ACSM3: variants seen among roughly 807,000 people sequenced by gnomAD.
ACSM3 encodes the protein acyl-coenzyme A synthetase ACSM3, mitochondrial.
In ACSM3, 61 loss-of-function variants were observed where a neutral mutation model predicts 74.1. The ratio of observed to expected loss-of-function variants is 0.82; its 90% confidence interval spans 0.67 to 1.02. The LOEUF (loss-of-function observed/expected upper bound fraction) is 1.02, where lower values mean the gene tolerates loss of function less well. Among genes scored for constraint, ACSM3 ranks in the 50% least tolerant of loss-of-function variants. The pLI, the probability that ACSM3 is intolerant of heterozygous loss-of-function variation, is 0.00. For synonymous variants in ACSM3, 213 were observed against 241.5 expected, an observed-to-expected ratio of 0.88 and a Z score of 1.09; for missense variants, 660 against 697.0, an observed-to-expected ratio of 0.95 and a Z score of 0.60.
chr16:20,742,706 T>C (rs1434584715), intron 1 of ACSM3, among the ~76,000 whole-genome samples: 1 of 150,338 alleles, frequency 6.7e-6, no homozygotes, highest in Non-Finnish European at 1.5e-5. Flanking sequence ...CCCCTCCTCC[T>C]CTGTGCACGG....
upstream of ACSM3, among the ~76,000 whole-genome samples, chr16:20,759,742 A>G (rs1179399382): frequency 6.6e-6 from 1 of 152,134 alleles, no homozygotes; most frequent in Non-Finnish European, 1.5e-5. Context: ...ATCCTTTATA[A>G]TAAATGGGTT....
chr16:20,683,490 C>T lies in ACSM3; in HGVS notation c.-190+8668C>T, dbSNP rs77289599. Among the ~76,000 whole-genome samples, 308 of 152,126 alleles carry T rather than the reference C, an allele frequency of 2.0e-3. 3 individuals are homozygous for T. The highest frequency in any genetic ancestry group is 6.6e-3 in the African/African-American group (273 of 41,492). The stretch of plus-strand genomic sequence containing the variant: ...CTCTCCAGGAAAACACCACACTTCT[C>T]GTCCTGACTTTGAAGATGCTGCTTT... On this transcript the variant is annotated intron_variant, in intron 1 of 3. Coordinates refer to the ACSM3 transcript ENST00000561584.
rs1385480578 is a variant in ACSM3 at position 20,733,227 on chromosome 16, G to A, written c.-189-16683G>A. 3.3e-5 allele frequency among the ~76,000 whole-genome samples: 5 copies of A among 152,188 alleles called. No individual in the cohort carries two copies. In the East Asian group the frequency reaches 9.6e-4, roughly 29 times the overall value. On this transcript the variant is annotated intron_variant, in intron 1 of 3. Transcript: ENST00000561584. ...GTTTCTAGTGTTTAAAATTGCAGGA[G>A]TCAAATGATTACTTAGAAAAAGAAA...
chr16:20,707,425 A>G (rs1347906091), intron 1 of ACSM3, among the ~76,000 whole-genome samples: 2 of 152,198 alleles, frequency 1.3e-5, no homozygotes, highest in Non-Finnish European at 2.9e-5. Context: ...GTCCAGCAAG[A>G]GCCCTCCTGG....
chr16:20,704,622 G>A (rs1440960938), intron 1 of ACSM3, among the ~76,000 whole-genome samples: 3 of 152,102 alleles, frequency 2.0e-5, no homozygotes, highest in Non-Finnish European at 4.4e-5. Flanking sequence ...CTCCTACATT[G>A]TCCTGAGAAC....
At chr16:20,727,311 C>A (rs2079809967) in intron 1 of ACSM3, 1 of 568,642 alleles carries the variant, frequency 1.8e-6, no homozygotes, top group South Asian at 1.4e-5. Flanking sequence ...AGGTTCCTCT[C>A]AAAAAGGCCC....
intron 1 of ACSM3, chr16:20,737,305 A>C: frequency 6.3e-7 from 1 of 1,590,610 alleles, no homozygotes; most frequent in Non-Finnish European, 8.6e-7. Context: ...AAAACAGAAA[A>C]ACACATAGCT....
At chr16:20,717,685 C>T (rs895360781) in intron 1 of ACSM3, among the ~76,000 whole-genome samples, 4 of 151,700 alleles carry the variant, frequency 2.6e-5, no homozygotes, top group African/African-American at 4.8e-5. Context: ...TTTAAAAACT[C>T]GTAGATTTTT....
At chr16:20,696,650 A>G (rs2079691526) in intron 1 of ACSM3, among the ~76,000 whole-genome samples, 1 of 152,230 alleles carries the variant, frequency 6.6e-6, no homozygotes, top group South Asian at 2.1e-4. Context: ...ATTTTAAAGA[A>G]CAATTTTCTG....
intron 2 of ACSM3, 60 bp downstream of exon 2, chr16:20,770,313 G>A (rs2080177129): frequency 1.4e-6 from 2 of 1,406,780 alleles, no homozygotes; most frequent in Admixed American, 3.5e-5. Flanking sequence ...TTACCCCTAG[G>A]TAACATCTCT....
chr16:20,773,376 ATTTC>A (rs2152458172), intron 2 of ACSM3, among the ~76,000 whole-genome samples: 1 of 151,192 alleles, frequency 6.6e-6, no homozygotes, highest in South Asian at 2.1e-4. Context: ...GATCTTTATT[ATTTC>A]TTTCTTTCTA....
At chr16:20,724,558 G>C (rs2079797965) in intron 1 of ACSM3, among the ~76,000 whole-genome samples, 1 of 152,120 alleles carries the variant, frequency 6.6e-6, no homozygotes, top group Non-Finnish European at 1.5e-5. Flanking sequence ...GGAAATAAAG[G>C]GCATTCAATT....
intron 1 of ACSM3, among the ~76,000 whole-genome samples, chr16:20,718,001 AG>A (rs2079770807): frequency 1.3e-5 from 2 of 150,480 alleles, no homozygotes; most frequent in Non-Finnish European, 3.0e-5. Context: ...AAGAAGAAGA[AG>A]AAGAAGAAGA....
At chr16:20,738,869 C>G in intron 1 of ACSM3, 1 of 1,609,512 alleles carries the variant, frequency 6.2e-7, no homozygotes, top group Non-Finnish European at 8.5e-7. Flanking sequence ...GTTATGAGAT[C>G]GATAATCTTA....
chr16:20,728,521 A>G, intron 1 of ACSM3: 1 of 838,444 alleles, frequency 1.2e-6, no homozygotes, highest in Non-Finnish European at 1.8e-6. Flanking sequence ...GTCATGTCTT[A>G]ATACAGACTT....
At chr16:20,725,547 C>T (rs539709113) in intron 1 of ACSM3, 1 of 159,688 alleles carries the variant, frequency 6.3e-6, no homozygotes, top group African/African-American at 2.4e-5. Context: ...TGAGTCTTAC[C>T]ACTACTGACA....
intron 1 of ACSM3, among the ~76,000 whole-genome samples, chr16:20,769,190 C>T (rs566288095): frequency 1.1e-4 from 16 of 152,102 alleles, no homozygotes; most frequent in Non-Finnish European, 1.9e-4. Flanking sequence ...TGGAAAATTA[C>T]AGGAAGTATA....
intron 1 of ACSM3, chr16:20,736,671 A>G (rs1310558438): frequency 3.6e-6 from 2 of 552,108 alleles, no homozygotes; most frequent in Non-Finnish European, 6.3e-6. Context: ...ACAGCAGCAC[A>G]TGGGTCTGCC....
chr16:20,737,169 A>C, intron 1 of ACSM3: 1 of 1,614,220 alleles, frequency 6.2e-7, no homozygotes, highest in East Asian at 2.2e-5. Flanking sequence ...TTTTCTAAAC[A>C]ACATGTAATC....
Sources: allele counts gnomAD v4.1 joint callset (sites outside exome capture counted in the v4.1 genomes callset), GRCh38; gene constraint gnomAD v4.1.1; transcripts MANE v1.5; gene names NCBI Gene and HGNC (gene_info 2026-07-23, HGNC 2026-07-21).